Variants in PRKDC observed in about 807,000 individuals in gnomAD.
PRKDC encodes protein kinase, DNA-activated, catalytic subunit.
A neutral mutation model predicts 486.9 loss-of-function variants in PRKDC; 82 were observed. That is an observed-to-expected ratio of 0.17 (90% CI 0.14 to 0.20). The LOEUF (loss-of-function observed/expected upper bound fraction) is 0.20. PRKDC is among the 10% of genes least tolerant of loss of function. PRKDC has a pLI of 1.00. For missense variants in PRKDC, 4,504 were observed against 5,038.2 expected (o/e 0.89, Z 3.21); for synonymous variants, 1,895 against 1,837.0 (o/e 1.03, Z -0.81).
chr8:47,859,835 G>T (rs2088634275), intron 45 of PRKDC, 76 bp from the exon 46 acceptor site: 1 of 1,376,512 alleles, frequency 7.3e-7, no homozygotes, highest in Non-Finnish European at 9.9e-7. Context: ...AAATTCAAAT[G>T]ATATGAAAAT....
intron 63 of PRKDC, among the ~76,000 whole-genome samples, chr8:47,825,423 C>T (rs541059261): frequency 1.1e-4 from 15 of 142,826 alleles, no homozygotes; most frequent in Non-Finnish European, 2.3e-4. Context: ...GCAGGAGAAT[C>T]GCTTGAACCC....
intron 56 of PRKDC, 48 bp from the exon 57 acceptor site, chr8:47,837,467 G>C (rs527705630): frequency 7.0e-7 from 1 of 1,436,570 alleles, no homozygotes; most frequent in Non-Finnish European, 9.7e-7. Flanking sequence ...ATGGCAAATG[G>C]GAAAGAATGT....
chr8:47,948,064 C>G (rs2090563561), intron 7 of PRKDC, among the ~76,000 whole-genome samples: 2 of 151,082 alleles, frequency 1.3e-5, no homozygotes, highest in African/African-American at 4.9e-5. Flanking sequence ...GCCTGGATAA[C>G]AAAGTGAGAC....
At chr8:47,916,581 C>T (rs80241168) in intron 22 of PRKDC, among the ~76,000 whole-genome samples, 4 of 152,160 alleles carry the variant, frequency 2.6e-5, no homozygotes, top group Non-Finnish European at 5.9e-5. Context: ...GTGGCAGGCT[C>T]GGTTCATTTT....
At chr8:47,890,944 T>A (rs28701667) in intron 31 of PRKDC, among the ~76,000 whole-genome samples, 4,347 of 152,262 alleles carry the variant, frequency 0.029, 217 homozygotes, top group African/African-American at 0.097. Context: ...AAATAAAAAA[T>A]CCTGTCCTTC....
intron 73 of PRKDC, among the ~76,000 whole-genome samples, chr8:47,795,190 C>CTT (rs34711098): frequency 1.4e-4 from 15 of 105,334 alleles, no homozygotes; most frequent in Admixed American, 3.0e-4. Context: ...CTGGCCAACT[C>CTT]TTTTTTTTTT....
intron 78 of PRKDC, 120 bp downstream of exon 78, chr8:47,783,622 A>C: frequency 2.0e-6 from 2 of 977,864 alleles, no homozygotes; most frequent in Non-Finnish European, 3.1e-6. Context: ...TAAATATGCT[A>C]AACTTGATAT....
chr8:47,919,868 C>T (rs2090045844), intron 21 of PRKDC, among the ~76,000 whole-genome samples: 1 of 152,080 alleles, frequency 6.6e-6, no homozygotes, highest in Non-Finnish European at 1.5e-5. Flanking sequence ...AAAATCTCTG[C>T]AGCACTGCGA....
At position 47,834,277 on chromosome 8, in the gene PRKDC, C is replaced by G. The variant is rs1036745685; in HGVS notation, c.8071G>C (p.Ala2691Pro). 1.2e-6 allele frequency: 2 copies of G among 1,614,044 alleles called. No homozygotes were observed. Among genetic ancestry groups the G allele is most frequent in the Non-Finnish European group, 1.7e-6 (2 of 1,179,894 alleles). ...AHKRSERLQRAPLKSVGPDFG... is the reference protein window; with the variant it reads ...AHKRSERLQRPPLKSVGPDFG... Reference sequence around the variant, plus strand: ...TCAGGCCCCACTGACTTCAAGGGTGCTCTCTGTAACCTTTCACTCCTCTTG... The same window carrying G: ...TCAGGCCCCACTGACTTCAAGGGTGGTCTCTGTAACCTTTCACTCCTCTTG... The change falls in exon 59 of 86, where the codon GCA (alanine) becomes CCA (proline). Residue 2691 changes from alanine (A) to proline (P), a missense_variant. Ala to Pro is a conservative substitution (Grantham distance 27). Around this residue, in one of 6 missense-constraint regions of PRKDC, gnomAD observed 1,592 missense variants for 1,724.6 expected, o/e 0.92. Coordinates refer to ENST00000314191, the MANE Select transcript of PRKDC (RefSeq NM_006904.7).
At chr8:47,837,541 G>T (rs564661847) in intron 56 of PRKDC, 122 bp from the exon 57 acceptor site, 20 of 696,798 alleles carry the variant, frequency 2.9e-5, no homozygotes, top group African/African-American at 2.2e-4. Context: ...AACAGAGAGG[G>T]AAACCACCTT....
intron 26 of PRKDC, among the ~76,000 whole-genome samples, chr8:47,903,021 A>C (rs551981996): frequency 2.6e-5 from 4 of 152,346 alleles, no homozygotes; most frequent in African/African-American, 9.6e-5. Context: ...CTTTTAAACA[A>C]ATTAATAAAC....
Position 47,782,182 on chromosome 8 carries a change from C to T in PRKDC, c.11469G>A (p.Glu3823=). ...KDLLLNTMSQ[E]EKAAYLSDPR... ...CTTACCTCAGGTAAGCCGCCTTCTCCTCTTGGGACATGGTGTTCAAAAGAA... is the reference window on the plus strand; with the variant it reads ...CTTACCTCAGGTAAGCCGCCTTCTCTTCTTGGGACATGGTGTTCAAAAGAA... Residue 3823 remains glutamate (E), a synonymous_variant, in exon 80 of 86, where the codon GAG becomes GAA. Coordinates refer to ENST00000314191, the MANE Select transcript of PRKDC (RefSeq NM_006904.7). The surrounding 1 kb of genome is among the most constrained non-coding windows in gnomAD (Gnocchi z 4.9). The T allele has an allele frequency of 6.2e-7, 1 of 1,613,986 alleles. No homozygotes were observed. The highest frequency in any genetic ancestry group is 8.5e-7 in the Non-Finnish European group (1 of 1,179,854).
chr8:47,773,236 T>C lies in PRKDC; in HGVS notation c.*937A>G, dbSNP rs2086551258. The C allele has an allele frequency of 4.4e-6, 1 of 224,892 alleles. No homozygotes were observed. The highest frequency in any genetic ancestry group is 6.5e-5 in the East Asian group (1 of 15,458). 13.9% of individuals were successfully genotyped at this position (224,892 alleles called of 1,614,324 possible). A position where few individuals can be genotyped will look rare whatever the true frequency, so the allele number is the denominator to read the frequency against. On this transcript the variant is annotated 3_prime_UTR_variant, in exon 86 of 86. Coordinates refer to ENST00000314191, the MANE Select transcript of PRKDC (RefSeq NM_006904.7). The stretch of plus-strand genomic sequence containing the variant: ...AAGCTAAAAGCCAATCAGAAACAGT[T>C]TGGGTGTGGAGGACTGGCGGGGGGG...
At chr8:47,949,363 C>T (rs1349001062) in intron 7 of PRKDC, among the ~76,000 whole-genome samples, 1 of 152,214 alleles carries the variant, frequency 6.6e-6, no homozygotes, top group African/African-American at 2.4e-5. Context: ...GTTACTTAAC[C>T]TGTCTGAGTG....
chr8:47,874,949 C>A (rs1047361452), intron 40 of PRKDC, among the ~76,000 whole-genome samples: 1 of 151,820 alleles, frequency 6.6e-6, no homozygotes, highest in Non-Finnish European at 1.5e-5. Flanking sequence ...CAGCTACTCA[C>A]GAGGCTGAAG....
intron 34 of PRKDC, 148 bp from the exon 35 acceptor site, chr8:47,887,853 T>G (rs1311465358): frequency 1.1e-6 from 1 of 932,224 alleles, no homozygotes; most frequent in Non-Finnish European, 1.6e-6. Context: ...TCAACTTTGC[T>G]TTTGTTGTTC....
chr8:47,925,034 T>G (rs1182746112), intron 21 of PRKDC, among the ~76,000 whole-genome samples: 1 of 152,192 alleles, frequency 6.6e-6, no homozygotes, highest in African/African-American at 2.4e-5. Context: ...CGTGGGTGCC[T>G]CATCTGGCTT....
At position 47,826,798 on chromosome 8, in the gene PRKDC, G is replaced by A; in HGVS notation, c.8641C>T (p.Leu2881=). ...CCCACGGGCTGCTGTAGGCTGGCCA[G>A]GCAACCAGCGCTAACAGCCGCTGGG... ...LDPAAVSAGC[L]ASLQQPVGIR... Residue 2881 remains leucine (L), a synonymous_variant, in exon 63 of 86, where the codon CTG becomes TTG. Transcript: ENST00000314191. The A allele has an allele frequency of 6.2e-7, 1 of 1,608,516 alleles. No homozygotes were observed.
chr8:47,935,100 A>T, intron 13 of PRKDC, 42 bp from the exon 14 acceptor site: 1 of 1,320,740 alleles, frequency 7.6e-7, no homozygotes, highest in Non-Finnish European at 1.0e-6. Flanking sequence ...GAAACACTGA[A>T]AAACAGAATC....
Sources: allele counts gnomAD v4.1 joint callset (sites outside exome capture counted in the v4.1 genomes callset), GRCh38; gene constraint gnomAD v4.1.1; regional missense constraint gnomAD v4.1.1; non-coding constraint Gnocchi (gnomAD v3.1); transcripts MANE v1.5; gene names NCBI Gene and HGNC (gene_info 2026-07-23, HGNC 2026-07-21).